Variants in ZNF83 observed in about 807,000 individuals in gnomAD.
ZNF83 encodes zinc finger protein 816B.
For missense variants in ZNF83, 552 were observed against 629.9 expected (o/e 0.88, Z 1.32); for synonymous variants, 209 against 213.0 (o/e 0.98, Z 0.17).
intron 1 of ZNF83, among the ~76,000 whole-genome samples, chr19:52,667,432 A>C (rs892042342): frequency 1.3e-5 from 2 of 152,186 alleles, no homozygotes; most frequent in African/African-American, 2.4e-5. Flanking sequence ...AATGTCATAT[A>C]ATTTGAAAGT....
At chr19:52,648,998 C>G (rs572666972) in intron 3 of ZNF83, among the ~76,000 whole-genome samples, 4 of 152,158 alleles carry the variant, frequency 2.6e-5, no homozygotes, top group Non-Finnish European at 2.9e-5. Context: ...CCAGCTCCAG[C>G]GACAGTTTTC....
intron 1 of ZNF83, among the ~76,000 whole-genome samples, chr19:52,688,801 A>G (rs1418902152): frequency 6.6e-6 from 1 of 152,206 alleles, no homozygotes; most frequent in Admixed American, 6.6e-5. Flanking sequence ...CAATGTGGCA[A>G]GGCAAGGTTT....
At chr19:52,642,261 CTTTTTTTTTTTTT>C (rs869173970), upstream of ZNF83, among the ~76,000 whole-genome samples, 20 of 47,866 alleles carry the variant, frequency 4.2e-4, no homozygotes, top group African/African-American at 1.9e-3. Flanking sequence ...AGTATTGTAG[CTTTTTTTTTTTTT>C]TTTTTTTTTT....
chr19:52,625,310 T>A (rs1362518977), intron 2 of ZNF83, among the ~76,000 whole-genome samples: 2 of 152,282 alleles, frequency 1.3e-5, no homozygotes, highest in Non-Finnish European at 2.9e-5. Flanking sequence ...CATGCTGTTA[T>A]ATGGGCTGAA....
At chr19:52,617,106 TG>T in intron 2 of ZNF83, 1 of 152,006 alleles carries the variant, frequency 6.6e-6, no homozygotes, top group South Asian at 2.1e-4. Context: ...ACCTAGATGA[TG>T]GGTTGATGGG....
intron 3 of ZNF83, chr19:52,652,353 T>A: frequency 3.3e-6 from 1 of 301,224 alleles, no homozygotes; most frequent in South Asian, 3.0e-5. Context: ...GAGAATCGTA[T>A]GAACCTGGGA....
At chr19:52,686,503 G>A (rs138781495) in intron 1 of ZNF83, among the ~76,000 whole-genome samples, 8 of 143,886 alleles carry the variant, frequency 5.6e-5, no homozygotes, top group Non-Finnish European at 7.6e-5. Context: ...AAACCAGAAA[G>A]AAAAAAAAAA....
chr19:52,628,712 TC>T (rs1345144295), intron 2 of ZNF83, among the ~76,000 whole-genome samples: 1 of 151,976 alleles, frequency 6.6e-6, no homozygotes, highest in African/African-American at 2.4e-5. Flanking sequence ...CTCTACCCCT[TC>T]TTCGCCTTTC....
At chr19:52,631,939 C>G (rs865848860) in intron 2 of ZNF83, among the ~76,000 whole-genome samples, 2,106 of 147,108 alleles carry the variant, frequency 0.014, 30 homozygotes, top group African/African-American at 0.05. Context: ...ATTCAGGCCC[C>G]CCTCCCTTCC....
intron 2 of ZNF83, among the ~76,000 whole-genome samples, chr19:52,615,141 T>C (rs1401542780): frequency 1.3e-5 from 2 of 151,956 alleles, no homozygotes; most frequent in Non-Finnish European, 2.9e-5. Flanking sequence ...CATATGGCTG[T>C]CTAATAGTTG....
At chr19:52,650,977 T>C (rs1600229118) in intron 3 of ZNF83, 2 of 152,342 alleles carry the variant, frequency 1.3e-5, no homozygotes, top group East Asian at 1.9e-4. Context: ...AAGAAACCAA[T>C]ATCCAATTCC....
chr19:52,666,284 G>GT (rs1286618639), intron 1 of ZNF83, among the ~76,000 whole-genome samples: 2 of 151,890 alleles, frequency 1.3e-5, no homozygotes, highest in African/African-American at 4.8e-5. Context: ...GAGAGAGAGA[G>GT]AGTAGTAGTA....
intron 1 of ZNF83, among the ~76,000 whole-genome samples, chr19:52,661,258 C>A (rs960456867): frequency 1.3e-5 from 2 of 152,194 alleles, no homozygotes; most frequent in Non-Finnish European, 2.9e-5. Flanking sequence ...CTACTGCCCA[C>A]TGCACCAGAG....
chr19:52,681,495 G>T (rs568447427), intron 1 of ZNF83, among the ~76,000 whole-genome samples: 3 of 152,056 alleles, frequency 2.0e-5, no homozygotes, highest in Admixed American at 6.5e-5. Context: ...TAACATTTTT[G>T]AATGCTTCCC....
At chr19:52,623,930 T>C (rs975635509) in intron 2 of ZNF83, among the ~76,000 whole-genome samples, 1 of 152,190 alleles carries the variant, frequency 6.6e-6, no homozygotes, top group Non-Finnish European at 1.5e-5. Flanking sequence ...CTGTACACTC[T>C]TTTGTTCTCA....
intron 1 of ZNF83, among the ~76,000 whole-genome samples, chr19:52,682,456 A>G (rs2147355537): frequency 6.6e-6 from 1 of 152,180 alleles, no homozygotes; most frequent in South Asian, 2.1e-4. Context: ...GCAGATCACA[A>G]GGTCAGGAGT....
chr19:52,662,334 A>G (rs1009176192), intron 1 of ZNF83, among the ~76,000 whole-genome samples: 3 of 152,166 alleles, frequency 2.0e-5, no homozygotes, highest in African/African-American at 7.2e-5. Context: ...ACCTATGGAA[A>G]TGTGCATTTG....
At chr19:52,624,134 T>C (rs555945527) in intron 2 of ZNF83, among the ~76,000 whole-genome samples, 5 of 152,316 alleles carry the variant, frequency 3.3e-5, no homozygotes, top group African/African-American at 1.2e-4. Context: ...AGCCAAGCTC[T>C]TTCTCATGAT....
exon 3 of ZNF83, chr19:52,655,570 C>G: frequency 4.7e-6 from 7 of 1,501,414 alleles, no homozygotes; most frequent in East Asian, 2.3e-5. Context: ...CCCACAGACT[C>G]CAGGTTCCTG....
Sources: allele counts gnomAD v4.1 joint callset (sites outside exome capture counted in the v4.1 genomes callset), GRCh38; gene constraint gnomAD v4.1.1; transcripts MANE v1.5; gene names NCBI Gene and HGNC (gene_info 2026-07-23, HGNC 2026-07-21).